Variants in TBC1D1 observed in about 807,000 individuals in gnomAD.
TBC1D1 encodes TBC1 (tre-2/USP6, BUB2, cdc16) domain family, member 1.
In TBC1D1, 89 loss-of-function variants were observed where a neutral mutation model predicts 125.6. That is an observed-to-expected ratio of 0.71 (90% CI 0.60 to 0.85). TBC1D1 has a LOEUF of 0.85. Ranked by LOEUF, TBC1D1 falls within the 40% of genes least tolerant of loss-of-function variation. The pLI, the probability that TBC1D1 is intolerant of heterozygous loss-of-function variation, is 0.00. For missense variants in TBC1D1, 1,377 were observed against 1,469.2 expected, an observed-to-expected ratio of 0.94 and a Z score of 1.03; for synonymous variants, 565 against 564.1, an observed-to-expected ratio of 1.00 and a Z score of -0.02.
chr4:38,010,265 T>C (rs1741190426), intron 2 of TBC1D1, among the ~76,000 whole-genome samples: 1 of 152,222 alleles, frequency 6.6e-6, no homozygotes, highest in South Asian at 2.1e-4. Context: ...CTGTTGTAAG[T>C]TGCTGACTCC....
intron 15 of TBC1D1, among the ~76,000 whole-genome samples, chr4:38,112,263 C>G (rs901524439): frequency 5.9e-5 from 9 of 152,166 alleles, no homozygotes; most frequent in African/African-American, 2.2e-4. Context: ...TTCTTTGCCT[C>G]TGGAAGGCTG....
At chr4:37,959,537 T>C (rs1026355187) in intron 2 of TBC1D1, among the ~76,000 whole-genome samples, 1 of 152,184 alleles carries the variant, frequency 6.6e-6, no homozygotes, top group Non-Finnish European at 1.5e-5. Context: ...TCCATGCGAC[T>C]CAATCCTGTA....
At chr4:37,979,839 G>A (rs1293594625) in intron 2 of TBC1D1, among the ~76,000 whole-genome samples, 3 of 152,242 alleles carry the variant, frequency 2.0e-5, no homozygotes, top group Non-Finnish European at 4.4e-5. Flanking sequence ...GAGTGCAATG[G>A]CACAATCTTG....
At chr4:37,915,739 C>T (rs1268236637) in intron 2 of TBC1D1, among the ~76,000 whole-genome samples, 1 of 152,146 alleles carries the variant, frequency 6.6e-6, no homozygotes, top group Non-Finnish European at 1.5e-5. Flanking sequence ...TTTATTTCCT[C>T]ATTTTTCCTT....
chr4:37,900,900 C>G (rs1342111636), intron 1 of TBC1D1, among the ~76,000 whole-genome samples: 1 of 151,888 alleles, frequency 6.6e-6, no homozygotes, highest in African/African-American at 2.4e-5. Flanking sequence ...GGTGAAACCC[C>G]ATCTCTACTA....
intron 18 of TBC1D1, among the ~76,000 whole-genome samples, chr4:38,128,589 G>A (rs1765047224): frequency 6.6e-6 from 1 of 152,176 alleles, no homozygotes. Flanking sequence ...TGCCTTCCCT[G>A]TATAGATAGT....
chr4:38,116,053 C>A, intron 16 of TBC1D1, 99 bp downstream of exon 18: 1 of 1,334,280 alleles, frequency 7.5e-7, no homozygotes, highest in Admixed American at 2.0e-5. Flanking sequence ...CGTCAGGTAA[C>A]ATTGTAATAG....
At chr4:37,899,753 A>G (rs1225977617) in intron 1 of TBC1D1, among the ~76,000 whole-genome samples, 2 of 152,210 alleles carry the variant, frequency 1.3e-5, no homozygotes, top group African/African-American at 4.8e-5. Context: ...GAAGTCAAAC[A>G]CAGGAAGAAA....
chr4:37,951,995 C>T, intron 2 of TBC1D1: 1 of 717,630 alleles, frequency 1.4e-6, no homozygotes, highest in Non-Finnish European at 2.6e-6. Context: ...AAGCCTTTCC[C>T]TGTATTACAG....
chr4:38,001,230 A>G (rs1351797241), intron 2 of TBC1D1, among the ~76,000 whole-genome samples: 1 of 151,632 alleles, frequency 6.6e-6, no homozygotes, highest in African/African-American at 2.4e-5. Context: ...AAAAAAAGAA[A>G]GAAAGAAAGA....
chr4:38,055,180 T>A (rs1480308949), intron 12 of TBC1D1: 1 of 152,160 alleles, frequency 6.6e-6, no homozygotes, highest in East Asian at 1.9e-4. Flanking sequence ...GAGAAACAGT[T>A]GACAACTGCC....
At chr4:38,012,984 G>A (rs778362672) in intron 2 of TBC1D1, among the ~76,000 whole-genome samples, 17 of 152,142 alleles carry the variant, frequency 1.1e-4, no homozygotes, top group East Asian at 1.9e-4. Context: ...TAGTAGAGAC[G>A]GGGTTTCACT....
At position 38,011,446 on chromosome 4, in the gene TBC1D1, C is replaced by T. The variant is rs145061933; in HGVS notation, c.418-3063C>T. On this transcript the variant is annotated intron_variant, in intron 2 of 19. Transcript: ENST00000261439. ...TTATAAACTTACACACAGATAGAAC[C>T]CATTTTTTATTTAGTCTCTTAGTAT... 7.9e-5 allele frequency among the ~76,000 whole-genome samples: 12 copies of T among 152,072 alleles called. No individual in the cohort carries two copies. The East Asian group carries it at 2.3e-3, about 29-fold the overall frequency.
At chr4:37,914,548 C>T (rs940295661) in intron 2 of TBC1D1, among the ~76,000 whole-genome samples, 3 of 152,228 alleles carry the variant, frequency 2.0e-5, no homozygotes, top group African/African-American at 7.2e-5. Context: ...TGTCTCCAAA[C>T]TCATCCCTTT....
chr4:38,029,102 C>T (rs185042929), intron 7 of TBC1D1, among the ~76,000 whole-genome samples: 54 of 152,136 alleles, frequency 3.5e-4, no homozygotes, highest in African/African-American at 9.9e-4. Context: ...ATGAGGTCAT[C>T]CAAAATTTCA....
Position 38,115,879 on chromosome 4 carries a change from G to A in TBC1D1, c.2727G>A (p.Ala909=), listed in dbSNP as rs576791254. 80 of 1,614,196 alleles carry A rather than the reference G, an allele frequency of 5.0e-5. No homozygotes were observed. In the East Asian group the frequency reaches 8.0e-4, roughly 16 times the overall value. ...TTCTTCATATGAGTGAGGAAGAGGC[G>A]TTTAAAATGCTCAAGTTTCTGATGT... The change falls in exon 16 of 20, where the codon GCG becomes GCA. Residue 909 remains alanine, a synonymous_variant. Coordinates refer to ENST00000261439, the MANE Select transcript of TBC1D1 (RefSeq NM_015173.4).
chr4:38,055,956 G>C (rs62299979), intron 12 of TBC1D1, among the ~76,000 whole-genome samples: 10,380 of 152,268 alleles, frequency 0.068, 403 homozygotes, highest in East Asian at 0.14. Context: ...CCTCGGTGTT[G>C]CGGTGGCCAT....
chr4:38,108,107 AT>A (rs5857595), intron 15 of TBC1D1, among the ~76,000 whole-genome samples: 3,069 of 152,220 alleles, frequency 0.02, 106 homozygotes, highest in African/African-American at 0.068. Context: ...TTTCATGTCT[AT>A]TCTTTGACTC....
chr4:38,066,893 A>C (rs114225069), intron 12 of TBC1D1, among the ~76,000 whole-genome samples: 6,745 of 151,652 alleles, frequency 0.044, 195 homozygotes, highest in South Asian at 0.082. Flanking sequence ...TTTTTCTTTT[A>C]CCCCGATGGA....
Sources: gnomAD v4.1 joint callset for allele counts (sites outside exome capture counted in the v4.1 genomes callset) on GRCh38, gnomAD v4.1.1 for gene constraint, MANE v1.5 for transcripts, NCBI Gene and HGNC (gene_info 2026-07-23, HGNC 2026-07-21) for gene names.